The following SLC2A9 variants were observed in gnomAD, a reference collection of about 807,000 sequenced individuals.
SLC2A9 encodes the protein solute carrier family 2 member 9.
Under a neutral mutation model 50.6 loss-of-function variants are expected in SLC2A9, and 39 were observed. The observed-to-expected ratio is 0.77, with a 90% CI of 0.60 to 1.01. SLC2A9 has a LOEUF of 1.01. Among genes scored for constraint, SLC2A9 ranks in the 50% least tolerant of loss-of-function variants. The pLI is 0.00. For synonymous variants in SLC2A9, 324 were observed against 276.9 expected, an observed-to-expected ratio of 1.17 and a Z score of -1.69; for missense variants, 686 against 677.6, an observed-to-expected ratio of 1.01 and a Z score of -0.14.
At chr4:9,888,642 G>A (rs1370675179) in intron 9 of SLC2A9, among the ~76,000 whole-genome samples, 2 of 152,034 alleles carry the variant, frequency 1.3e-5, no homozygotes, top group Non-Finnish European at 2.9e-5. Context: ...TCTGTAGGCT[G>A]AGCCAGAGTC....
intron 3 of SLC2A9, among the ~76,000 whole-genome samples, chr4:9,993,358 CAAAT>C (rs1420057417): frequency 6.6e-6 from 1 of 152,138 alleles, no homozygotes; most frequent in Non-Finnish European, 1.5e-5. Context: ...TGACCCGTCT[CAAAT>C]AAAGCCAATG....
intron 2 of SLC2A9, among the ~76,000 whole-genome samples, chr4:10,003,111 G>A (rs1236171863): frequency 6.6e-6 from 1 of 152,194 alleles, no homozygotes; most frequent in Non-Finnish European, 1.5e-5. Context: ...TGAGTATCCA[G>A]GACTTCACAG....
intron 7 of SLC2A9, among the ~76,000 whole-genome samples, chr4:9,919,508 C>CT (rs1560303465): frequency 6.6e-6 from 1 of 152,154 alleles, no homozygotes; most frequent in East Asian, 1.9e-4. Flanking sequence ...CCCTGCCCGC[C>CT]TTGGGGGGTG....
downstream of SLC2A9, among the ~76,000 whole-genome samples, chr4:9,821,584 C>T (rs1009359702): frequency 3.9e-5 from 6 of 151,942 alleles, no homozygotes; most frequent in Admixed American, 1.3e-4. Context: ...CACCATGGCA[C>T]GTGTATACCT....
intron 7 of SLC2A9, among the ~76,000 whole-genome samples, chr4:9,913,303 T>TTGTGTGTGTGTG (rs59023239): frequency 5.6e-5 from 8 of 142,116 alleles, no homozygotes; most frequent in African/African-American, 7.9e-5. Flanking sequence ...TCCTGTGTGT[T>TTGTGTGTGTGTG]TGTGTGTGTG....
intron 10 of SLC2A9, among the ~76,000 whole-genome samples, chr4:9,865,324 A>G (rs1366391467): frequency 1.3e-5 from 2 of 152,246 alleles, no homozygotes; most frequent in Non-Finnish European, 2.9e-5. Flanking sequence ...AAATGCCAGA[A>G]GTGCTGAAGT....
At chr4:9,865,859 T>C (rs1436433930) in intron 10 of SLC2A9, among the ~76,000 whole-genome samples, 1 of 152,226 alleles carries the variant, frequency 6.6e-6, no homozygotes, top group Admixed American at 6.5e-5. Flanking sequence ...CCAAGGTCCC[T>C]GCAGGAACAC....
At chr4:10,011,463 A>G (rs768736836) in intron 2 of SLC2A9, among the ~76,000 whole-genome samples, 2 of 152,242 alleles carry the variant, frequency 1.3e-5, no homozygotes, top group Non-Finnish European at 2.9e-5. Context: ...AGATGATTCT[A>G]GCAGTATAAT....
intron 5 of SLC2A9, among the ~76,000 whole-genome samples, chr4:9,970,612 G>A (rs761558172): frequency 5.3e-5 from 8 of 152,070 alleles, no homozygotes; most frequent in Non-Finnish European, 2.9e-5. Context: ...AGTTTGTGCT[G>A]TTGCTAATAC....
At chr4:10,028,919 A>G (rs1328054559) in intron 1 of SLC2A9, 1 of 152,282 alleles carries the variant, frequency 6.6e-6, no homozygotes, top group Non-Finnish European at 1.5e-5. Flanking sequence ...CTTCAGCCCA[A>G]TCCCTTCCAG....
intron 3 of SLC2A9, among the ~76,000 whole-genome samples, chr4:9,803,388 CTAAA>C (rs1721719106): frequency 6.6e-6 from 1 of 152,206 alleles, no homozygotes; most frequent in Non-Finnish European, 1.5e-5. Flanking sequence ...AAGAACTGTG[CTAAA>C]TGAATTATTT....
chr4:9,806,111 C>G (rs1395302869), intron 3 of SLC2A9, among the ~76,000 whole-genome samples: 2 of 152,208 alleles, frequency 1.3e-5, no homozygotes, highest in African/African-American at 4.8e-5. Flanking sequence ...ATTCTTTCCA[C>G]CTGCATGTTT....
At chr4:9,943,794 A>G (rs2108789944) in intron 5 of SLC2A9, among the ~76,000 whole-genome samples, 1 of 152,250 alleles carries the variant, frequency 6.6e-6, no homozygotes, top group Non-Finnish European at 1.5e-5. Flanking sequence ...CAGTAAGGGT[A>G]AAAACAGAAT....
At chr4:9,783,348 T>C (rs1429813838) in intron 3 of SLC2A9, 1 of 1,614,046 alleles carries the variant, frequency 6.2e-7, no homozygotes, top group African/African-American at 1.3e-5. Context: ...ATGTTCCAGA[T>C]CTATCAGACG....
chr4:9,846,062 C>T (rs906461373), intron 10 of SLC2A9, among the ~76,000 whole-genome samples: 7 of 152,142 alleles, frequency 4.6e-5, no homozygotes, highest in African/African-American at 1.7e-4. Flanking sequence ...CTCCATTTAA[C>T]GGTGAAGAAG....
intron 10 of SLC2A9, among the ~76,000 whole-genome samples, chr4:9,844,109 T>C (rs1310015272): frequency 6.9e-6 from 1 of 143,902 alleles, no homozygotes; most frequent in Non-Finnish European, 1.5e-5. Context: ...GAAATGTATT[T>C]GCTCAAGGTA....
At chr4:9,997,862 A>G (rs1380374783) in intron 2 of SLC2A9, among the ~76,000 whole-genome samples, 1 of 152,230 alleles carries the variant, frequency 6.6e-6, no homozygotes, top group Non-Finnish European at 1.5e-5. Flanking sequence ...TGAAAAGACA[A>G]CCCATAGACT....
At chr4:9,936,737 G>C (rs6841908) in intron 6 of SLC2A9, among the ~76,000 whole-genome samples, 1,726 of 152,230 alleles carry the variant, frequency 0.011, 47 homozygotes, top group African/African-American at 0.039. Context: ...ATGATGAGCA[G>C]AGATGACAGG....
In SLC2A9 at chr4:9,782,555, G is replaced by A. The variant is rs760254927; in HGVS notation, n.386-2490C>T. Reference sequence around the variant, plus strand: ...GTCCATCCTCATCTCCTTCATTCCGGTCCAGCTCAACTGGCACAGGGACCA... The same window carrying A: ...GTCCATCCTCATCTCCTTCATTCCGATCCAGCTCAACTGGCACAGGGACCA... On this transcript the variant is annotated intron_variant and non_coding_transcript_variant, in intron 3 of 3. Transcript: ENST00000503803. 11 of 1,613,910 alleles carry A rather than the reference G, an allele frequency of 6.8e-6. No individual in the cohort carries two copies. The highest frequency in any genetic ancestry group is 9.3e-6 in the Non-Finnish European group (11 of 1,179,862).
Sources: allele counts gnomAD v4.1 joint callset (sites outside exome capture counted in the v4.1 genomes callset), GRCh38; gene constraint gnomAD v4.1.1; transcripts MANE v1.5; gene names NCBI Gene and HGNC (gene_info 2026-07-23, HGNC 2026-07-21).